RAP1B: variants seen among roughly 807,000 people sequenced by gnomAD.
The protein encoded by RAP1B is RAP1B, member of RAS oncogene family.
RAP1B carries 1 observed loss-of-function variant against 27.5 expected under a neutral mutation model. The ratio of observed to expected loss-of-function variants is 0.04; its 90% CI spans 0.01 to 0.17. The LOEUF (loss-of-function observed/expected upper bound fraction) is 0.17, where lower values mean the gene tolerates loss of function less well. Ranked by LOEUF, RAP1B falls within the 10% of genes least tolerant of loss-of-function variation. The pLI is 1.00. For missense variants in RAP1B, 84 were observed against 214.8 expected, an observed-to-expected ratio of 0.39 and a Z score of 3.81; for synonymous variants, 75 against 73.1, an observed-to-expected ratio of 1.03 and a Z score of -0.13.
chr12:68,643,929 T>G (rs1410630959), intron 1 of RAP1B, among the ~76,000 whole-genome samples: 2 of 152,190 alleles, frequency 1.3e-5, no homozygotes, highest in Non-Finnish European at 2.9e-5. Flanking sequence ...GTCATGTATT[T>G]TTTTTCTTTT....
intron 1 of RAP1B, among the ~76,000 whole-genome samples, chr12:68,635,257 T>C (rs1872551489): frequency 6.6e-6 from 1 of 152,200 alleles, no homozygotes; most frequent in Non-Finnish European, 1.5e-5. Context: ...AAGTCTGTCA[T>C]TGTGTTAAAC....
Position 68,659,394 on chromosome 12 carries a change from A to C in RAP1B, c.*145A>C, listed in dbSNP as rs1249177843. ...ACCCTTTAAGAGGCGGATGAAAGCT[A>C]CTATATCAGTTTGCACATTCTAATC... On this transcript the variant is annotated 3_prime_UTR_variant, in exon 8 of 8. Transcript: ENST00000250559. 7.1e-6 allele frequency: 3 copies of C among 422,010 alleles called. No homozygotes were observed. The highest frequency in any genetic ancestry group is 4.2e-5 in the African/African-American group (2 of 47,908). The allele number at this position is 422,010 out of a possible 1,614,324, so 26.1% of individuals were successfully genotyped here.
chr12:68,664,394 A>C lies in RAP1B; in HGVS notation c.*5145A>C, dbSNP rs1488321691. 2.0e-5 allele frequency: 3 copies of C among 152,088 alleles called. No individual in the cohort carries two copies. Among genetic ancestry groups the C allele is most frequent in the Non-Finnish European group, 4.4e-5 (3 of 68,024 alleles). 9.4% of individuals were successfully genotyped at this position (152,088 alleles called of 1,614,324 possible). ...GTGCAGTAGGTTTGGAGCAGAGGGG[A>C]GTAGGAAGGAGTAAATGATATAATC... On this transcript the variant is annotated 3_prime_UTR_variant, in exon 8 of 8. Coordinates refer to ENST00000250559, the MANE Select transcript of RAP1B (RefSeq NM_001010942.3).
chr12:68,656,251 G>C lies in RAP1B; in HGVS notation c.325-55G>C, dbSNP rs940249856. 7 of 1,453,846 alleles carry C rather than the reference G, an allele frequency of 4.8e-6. No homozygotes were observed. The African/African-American group carries it at 1.0e-4, about 21-fold the overall frequency. 90.1% of individuals were successfully genotyped at this position (1,453,846 alleles called of 1,614,324 possible). On this transcript the variant is annotated intron_variant, in intron 5 of 7. Coordinates refer to ENST00000250559, the MANE Select transcript of RAP1B (RefSeq NM_001010942.3). The stretch of plus-strand genomic sequence containing the variant: ...TTGACTCTTAGAATTCTTTTGATTT[G>C]AATTCATATAGCATATTTACTTATT...
chr12:68,658,123 GTT>G (rs1565675961), intron 7 of RAP1B, among the ~76,000 whole-genome samples: 1 of 152,202 alleles, frequency 6.6e-6, no homozygotes, highest in East Asian at 1.9e-4. Flanking sequence ...TTGTTAAACT[GTT>G]AATTTATTCT....
At chr12:68,657,297 T>C (rs911503600) in intron 7 of RAP1B, 80 bp downstream of exon 7, 1 of 824,310 alleles carries the variant, frequency 1.2e-6, no homozygotes, top group Admixed American at 2.6e-5. Flanking sequence ...AAGTATAGAC[T>C]TCTTTTTGTT....
At chr12:68,632,809 C>G (rs953718947) in intron 1 of RAP1B, among the ~76,000 whole-genome samples, 7 of 152,058 alleles carry the variant, frequency 4.6e-5, no homozygotes, top group Non-Finnish European at 8.8e-5. Flanking sequence ...GAAATGGGAG[C>G]AAATCCAGAG....
rs1418100693 is a variant in RAP1B, at chr12:68,666,430, C to A, written c.*7181C>A. On this transcript the variant is annotated 3_prime_UTR_variant, in exon 8 of 8. Transcript: ENST00000250559. ...TTAAAGCAACAGAAATGTACTCTTTCACAGTTCTGAAGGTCGAAGTCCAAA... is the reference window on the plus strand; with the variant it reads ...TTAAAGCAACAGAAATGTACTCTTTAACAGTTCTGAAGGTCGAAGTCCAAA... The A allele has an allele frequency of 6.7e-6, 1 of 150,236 alleles. No individual in the cohort carries two copies. Among genetic ancestry groups the A allele is most frequent in the African/African-American group, 2.4e-5 (1 of 41,252 alleles). 9.3% of individuals were successfully genotyped at this position (150,236 alleles called of 1,614,324 possible).
At chr12:68,622,693 C>T (rs960813656) in intron 1 of RAP1B, among the ~76,000 whole-genome samples, 23 of 152,230 alleles carry the variant, frequency 1.5e-4, no homozygotes, top group Non-Finnish European at 1.9e-4. Context: ...CTCTCATCCC[C>T]TCTAAACTGT....
chr12:68,613,070 T>C (rs1429378494), intron 1 of RAP1B, among the ~76,000 whole-genome samples: 1 of 152,140 alleles, frequency 6.6e-6, no homozygotes, highest in Non-Finnish European at 1.5e-5. Flanking sequence ...AAATGATTGC[T>C]CTGGCTGGGC....
In RAP1B at chr12:68,661,613, T is replaced by C. The variant is rs779113692; in HGVS notation, c.*2364T>C. The C allele has an allele frequency of 4.0e-5, 6 of 151,892 alleles. No individual in the cohort carries two copies. In the South Asian group the frequency reaches 6.2e-4, roughly 16 times the overall value. The allele number at this position is 151,892 out of a possible 1,614,324, so 9.4% of individuals were successfully genotyped here. A position where few individuals can be genotyped will look rare whatever the true frequency, so the allele number is the denominator to read the frequency against. On this transcript the variant is annotated 3_prime_UTR_variant, in exon 8 of 8. Transcript: ENST00000250559. Reference sequence around the variant, plus strand: ...CTCCTGTGCATTATAGGAATTTTAATATCTGCCCACTAGATGCCAGTCACA... The same window carrying C: ...CTCCTGTGCATTATAGGAATTTTAACATCTGCCCACTAGATGCCAGTCACA...
At chr12:68,633,905 C>T (rs1324872987) in intron 1 of RAP1B, among the ~76,000 whole-genome samples, 2 of 152,036 alleles carry the variant, frequency 1.3e-5, no homozygotes, top group Non-Finnish European at 2.9e-5. Context: ...CTAATCTGGT[C>T]ATTGAAATTG....
chr12:68,634,093 C>T (rs80181885), intron 1 of RAP1B, among the ~76,000 whole-genome samples: 10,771 of 152,148 alleles, frequency 0.071, 443 homozygotes, highest in Middle Eastern at 0.14. Flanking sequence ...TCCATGACAA[C>T]TCCCAGGTAT....
At chr12:68,656,750 T>C in intron 6 of RAP1B, 2 of 525,546 alleles carry the variant, frequency 3.8e-6, no homozygotes, top group South Asian at 6.0e-5. Flanking sequence ...AAAAATAGAG[T>C]AAAATTCCGA....
At chr12:68,639,243 C>T (rs1429252981) in intron 1 of RAP1B, among the ~76,000 whole-genome samples, 2 of 152,202 alleles carry the variant, frequency 1.3e-5, no homozygotes, top group Admixed American at 6.5e-5. Flanking sequence ...CTGCTTCAAG[C>T]GTTTACATGG....
intron 4 of RAP1B, 134 bp from the exon 5 acceptor site, chr12:68,653,978 C>A (rs1874013709): frequency 2.5e-6 from 2 of 788,138 alleles, no homozygotes; most frequent in East Asian, 5.9e-5. Flanking sequence ...AGTATCTTGT[C>A]ATAGATTATA....
chr12:68,654,536 G>A (rs530358434), intron 5 of RAP1B, among the ~76,000 whole-genome samples: 158 of 151,500 alleles, frequency 1.0e-3, no homozygotes, highest in African/African-American at 3.5e-3. Context: ...CTGTTGCCCA[G>A]GCTGAAGTGC....
At chr12:68,644,799 C>G (rs766711123) in intron 1 of RAP1B, among the ~76,000 whole-genome samples, 2 of 150,212 alleles carry the variant, frequency 1.3e-5, no homozygotes, top group Non-Finnish European at 3.0e-5. Context: ...AGCAGTTCTC[C>G]TGCCTCAGCC....
intron 1 of RAP1B, chr12:68,643,024 A>C: frequency 1.3e-6 from 1 of 769,074 alleles, no homozygotes; most frequent in Non-Finnish European, 2.4e-6. Context: ...CTGGCTGCCC[A>C]CGGTCCACTG....
Sources: allele counts gnomAD v4.1 joint callset (sites outside exome capture counted in the v4.1 genomes callset), GRCh38; gene constraint gnomAD v4.1.1; transcripts MANE v1.5; gene names NCBI Gene and HGNC (gene_info 2026-07-23, HGNC 2026-07-21).